NKAIN2: variants seen among roughly 807,000 people sequenced by gnomAD.
The protein encoded by NKAIN2 is sodium/potassium transporting ATPase interacting 2.
NKAIN2 carries 14 observed loss-of-function variants against 32.6 expected under a neutral mutation model. That is an observed-to-expected ratio of 0.43 (90% CI 0.28 to 0.67). The LOEUF is 0.67. NKAIN2 is among the 30% of genes least tolerant of loss of function. NKAIN2 has a pLI of 0.17. For synonymous variants in NKAIN2, 80 were observed against 87.2 expected (o/e 0.92, Z 0.46); for missense variants, 198 against 258.3 (o/e 0.77, Z 1.60).
chr6:124,100,756 A>T (rs1289961413), intron 1 of NKAIN2, among the ~76,000 whole-genome samples: 3 of 152,188 alleles, frequency 2.0e-5, no homozygotes, highest in Non-Finnish European at 4.4e-5. Flanking sequence ...CTTCTAATAG[A>T]TGTGGGGCCC....
intron 1 of NKAIN2, among the ~76,000 whole-genome samples, chr6:124,146,340 A>C (rs941233168): frequency 6.6e-6 from 1 of 152,212 alleles, no homozygotes; most frequent in Non-Finnish European, 1.5e-5. Context: ...TCATTAAGTA[A>C]ATTTTAATTA....
chr6:124,459,013 T>C (rs1224089863), intron 3 of NKAIN2, among the ~76,000 whole-genome samples: 1 of 151,872 alleles, frequency 6.6e-6, no homozygotes, highest in Non-Finnish European at 1.5e-5. Flanking sequence ...CTGTCTGCAA[T>C]TTAATGATCT....
chr6:123,974,951 G>A (rs1207699506), intron 1 of NKAIN2, among the ~76,000 whole-genome samples: 1 of 152,080 alleles, frequency 6.6e-6, no homozygotes, highest in African/African-American at 2.4e-5. Flanking sequence ...TAGCATGCTT[G>A]ACCTCTGCAG....
intron 5 of NKAIN2, among the ~76,000 whole-genome samples, chr6:124,807,526 A>C (rs1344325355): frequency 1.3e-5 from 2 of 150,576 alleles, no homozygotes; most frequent in African/African-American, 4.9e-5. Context: ...AAATGCCCAC[A>C]AGAGAAAGCA....
At chr6:124,819,390 G>A (rs1048841515) in intron 6 of NKAIN2, among the ~76,000 whole-genome samples, 1 of 152,074 alleles carries the variant, frequency 6.6e-6, no homozygotes, top group Non-Finnish European at 1.5e-5. Context: ...CTTGCACCGT[G>A]CCTGCCTTTT....
intron 1 of NKAIN2, among the ~76,000 whole-genome samples, chr6:124,126,255 C>A (rs1786158332): frequency 6.6e-6 from 1 of 152,114 alleles, no homozygotes; most frequent in Non-Finnish European, 1.5e-5. Context: ...GAATCTAATC[C>A]TATCATGTTT....
chr6:124,302,090 C>T (rs1317141911), intron 2 of NKAIN2, among the ~76,000 whole-genome samples: 4 of 152,114 alleles, frequency 2.6e-5, no homozygotes, highest in Admixed American at 6.5e-5. Flanking sequence ...GCCACTTCCC[C>T]CATACTGTTC....
At chr6:124,387,181 ATACAT>A (rs1162854142) in intron 3 of NKAIN2, among the ~76,000 whole-genome samples, 3 of 152,158 alleles carry the variant, frequency 2.0e-5, no homozygotes, top group Admixed American at 1.3e-4. Flanking sequence ...ATATACATAC[ATACAT>A]TTATATCTTT....
At chr6:124,211,381 T>C (rs1434613124) in intron 1 of NKAIN2, among the ~76,000 whole-genome samples, 1 of 151,936 alleles carries the variant, frequency 6.6e-6, no homozygotes, top group Non-Finnish European at 1.5e-5. Flanking sequence ...CATTAAACTA[T>C]CTCCTACCAC....
intron 1 of NKAIN2, among the ~76,000 whole-genome samples, chr6:124,113,043 TC>T (rs1467284794): frequency 1.3e-5 from 2 of 152,260 alleles, no homozygotes; most frequent in Non-Finnish European, 2.9e-5. Context: ...TTTATCTTGT[TC>T]CTTTTTTTGG....
intron 1 of NKAIN2, among the ~76,000 whole-genome samples, chr6:123,998,741 CTCTGTGTGTG>C (rs1473474447): frequency 9.7e-4 from 129 of 132,672 alleles, no homozygotes; most frequent in Non-Finnish European, 1.7e-3. Flanking sequence ...CTCTCTCTCT[CTCTGTGTGTG>C]TGTGTGTGTG....
At chr6:124,396,493 A>T (rs1773388206) in intron 3 of NKAIN2, among the ~76,000 whole-genome samples, 1 of 151,826 alleles carries the variant, frequency 6.6e-6, no homozygotes, top group Non-Finnish European at 1.5e-5. Context: ...TGTCACCTAG[A>T]TTTGATGAAG....
intron 1 of NKAIN2, among the ~76,000 whole-genome samples, chr6:123,850,500 C>T (rs1408632438): frequency 6.6e-6 from 1 of 152,026 alleles, no homozygotes; most frequent in Non-Finnish European, 1.5e-5. Flanking sequence ...GACATTTTAT[C>T]TATGTTCTTG....
intron 1 of NKAIN2, among the ~76,000 whole-genome samples, chr6:123,914,353 G>C (rs1775383721): frequency 6.6e-6 from 1 of 151,982 alleles, no homozygotes; most frequent in South Asian, 2.1e-4. Context: ...GACATGTCGG[G>C]AGGAAGCCAG....
At chr6:124,356,552 C>T (rs1412283816) in intron 3 of NKAIN2, among the ~76,000 whole-genome samples, 1 of 152,144 alleles carries the variant, frequency 6.6e-6, no homozygotes, top group Non-Finnish European at 1.5e-5. Flanking sequence ...AGCAAAATCT[C>T]CCTAGAGGAT....
chr6:124,349,352 G>C (rs62434725), intron 2 of NKAIN2, among the ~76,000 whole-genome samples: 3,655 of 152,114 alleles, frequency 0.024, 91 homozygotes, highest in Non-Finnish European at 0.034. Flanking sequence ...TGCACAGGCC[G>C]GTTGGGTATT....
intron 4 of NKAIN2, among the ~76,000 whole-genome samples, chr6:124,706,246 TACA>T (rs1432309290): frequency 2.0e-5 from 3 of 152,144 alleles, no homozygotes; most frequent in African/African-American, 7.2e-5. Flanking sequence ...ACTTTATTAT[TACA>T]ACAAGCCTAT....
At chr6:124,381,459 C>T (rs1772630238) in intron 3 of NKAIN2, among the ~76,000 whole-genome samples, 1 of 152,092 alleles carries the variant, frequency 6.6e-6, no homozygotes, top group Non-Finnish European at 1.5e-5. Context: ...AAGCCATTTG[C>T]TTAGTAAGAA....
chr6:124,153,593 C>T (rs802253), intron 1 of NKAIN2, among the ~76,000 whole-genome samples: 7 of 151,414 alleles, frequency 4.6e-5, no homozygotes, highest in Non-Finnish European at 8.9e-5. Flanking sequence ...ATTCCATTAC[C>T]CTTTTTCCCC....
Sources: gnomAD v4.1 joint callset for allele counts (sites outside exome capture counted in the v4.1 genomes callset) on GRCh38, gnomAD v4.1.1 for gene constraint, MANE v1.5 for transcripts, NCBI Gene and HGNC (gene_info 2026-07-23, HGNC 2026-07-21) for gene names.